Variants in ADD3 observed in about 807,000 individuals in gnomAD.
The protein encoded by ADD3 is adducin 3, also known as gamma-adducin.
A neutral mutation model predicts 80.2 loss-of-function variants in ADD3; 25 were observed. That is an observed-to-expected ratio of 0.31 (90% CI 0.23 to 0.44). ADD3 has a LOEUF of 0.44. Ranked by LOEUF, ADD3 falls within the 20% of genes least tolerant of loss-of-function variation. ADD3 has a pLI of 1.00. For missense variants in ADD3, 829 were observed against 847.5 expected, an observed-to-expected ratio of 0.98 and a Z score of 0.27; for synonymous variants, 284 against 289.6, an observed-to-expected ratio of 0.98 and a Z score of 0.20.
At chr10:110,044,695 A>AGAG (rs1199467912) in intron 1 of ADD3, among the ~76,000 whole-genome samples, 1 of 152,242 alleles carries the variant, frequency 6.6e-6, no homozygotes, top group African/African-American at 2.4e-5. Flanking sequence ...AGGTGTCAAA[A>AGAG]GAGGAGGTAG....
chr10:109,996,397 G>A (rs964234963), exon 1 of ADD3: 3 of 152,192 alleles, frequency 2.0e-5, no homozygotes, highest in Non-Finnish European at 4.4e-5. Flanking sequence ...TTGTGAATGA[G>A]ACTGTGAGAA....
chr10:110,097,110 G>A (rs186019963), intron 1 of ADD3, among the ~76,000 whole-genome samples: 227 of 152,304 alleles, frequency 1.5e-3, no homozygotes, highest in Middle Eastern at 3.4e-3. Flanking sequence ...TACTGTTTAA[G>A]TATATTAACA....
Position 110,122,306 on chromosome 10 carries a change from T to C in ADD3, c.1143+14T>C, listed in dbSNP as rs367579920. 13 of 1,609,574 alleles carry C rather than the reference T, an allele frequency of 8.1e-6. No individual in the cohort carries two copies. In the African/African-American group the frequency reaches 1.5e-4, roughly 18 times the overall value. On this transcript the variant is annotated intron_variant, in intron 9 of 14. Transcript: ENST00000356080. ...CTGGACAACTTGGTAGGTTGCAAAA[T>C]TGAAGTAAAACTTGGATTTAATGTC... is the stretch of plus-strand genomic sequence containing the variant.
chr10:110,125,674 A>G (rs1564664580), intron 10 of ADD3, 152 bp from the exon 11 acceptor site: 3 of 442,682 alleles, frequency 6.8e-6, no homozygotes, highest in Admixed American at 4.1e-5. Context: ...TCTAACTAGT[A>G]TGAGATGAAA....
upstream of ADD3, among the ~76,000 whole-genome samples, chr10:110,001,274 G>T (rs552349050): frequency 3.4e-4 from 51 of 152,140 alleles, no homozygotes; most frequent in African/African-American, 1.2e-3. Flanking sequence ...AATTAGTCAG[G>T]CATAGTGGTG....
intron 10 of ADD3, among the ~76,000 whole-genome samples, chr10:110,124,967 GT>G (rs1400313902): frequency 1.3e-5 from 2 of 152,170 alleles, no homozygotes; most frequent in Non-Finnish European, 2.9e-5. Flanking sequence ...TAGTGTTGGT[GT>G]ATTTTATATG....
rs542913255 is a variant in ADD3 at position 110,050,313 on chromosome 10, T to A, written c.-30+42014T>A. ...AGGGACCCAGTGGGAGATATTTGAA[T>A]CATGGGGGCAGTTTCCTCCATACTA... On this transcript the variant is annotated intron_variant, in intron 1 of 14. Coordinates refer to ENST00000356080, the MANE Select transcript of ADD3 (RefSeq NM_016824.5). 7.9e-4 allele frequency among the ~76,000 whole-genome samples: 120 copies of A among 152,196 alleles called. 1 individual carries two copies. The highest frequency in any genetic ancestry group is 2.8e-3 in the African/African-American group (116 of 41,546).
At chr10:110,049,322 A>T (rs1184852221) in intron 1 of ADD3, among the ~76,000 whole-genome samples, 2 of 152,208 alleles carry the variant, frequency 1.3e-5, no homozygotes. Context: ...TGAAGCCCCC[A>T]CATACAGTTC....
At chr10:110,108,279 C>G (rs1481271783) in intron 2 of ADD3, among the ~76,000 whole-genome samples, 2 of 152,110 alleles carry the variant, frequency 1.3e-5, no homozygotes. Flanking sequence ...ATGCTCTAAT[C>G]TAGCCTAAGA....
chr10:110,067,328 C>T (rs1166730778), intron 1 of ADD3, among the ~76,000 whole-genome samples: 1 of 152,106 alleles, frequency 6.6e-6, no homozygotes, highest in Non-Finnish European at 1.5e-5. Context: ...TTGAAAAATA[C>T]AATAAATGTA....
At chr10:110,065,539 C>CTTTTTTTTTTGTTTTTTTTTTTTTTT (rs1843813067) in intron 1 of ADD3, among the ~76,000 whole-genome samples, 1 of 31,172 alleles carries the variant, frequency 3.2e-5, no homozygotes, top group Non-Finnish European at 7.5e-5. Context: ...TCTCTCTCCC[C>CTTTTTTTTTTGTTTTTTTTTTTTTTT]TTTTTTTTTT....
chr10:110,106,426 T>A (rs1303978756), intron 2 of ADD3, among the ~76,000 whole-genome samples: 2 of 152,074 alleles, frequency 1.3e-5, no homozygotes, highest in Non-Finnish European at 2.9e-5. Context: ...CTGAAAGTTC[T>A]GACCTTGGAT....
intron 1 of ADD3, among the ~76,000 whole-genome samples, chr10:110,011,658 C>G (rs1852346984): frequency 6.6e-6 from 1 of 152,182 alleles, no homozygotes; most frequent in South Asian, 2.1e-4. Flanking sequence ...CTTTAAATAT[C>G]TAATCGAGTG....
intron 1 of ADD3, chr10:110,076,885 A>C (rs1015886750): frequency 6.6e-6 from 1 of 152,192 alleles, no homozygotes; most frequent in African/African-American, 2.4e-5. Flanking sequence ...GGACTAATGA[A>C]TTAATTGTGA....
chr10:110,122,051 A>C, intron 8 of ADD3, 59 bp from the exon 9 acceptor site: 1 of 1,446,042 alleles, frequency 6.9e-7, no homozygotes, highest in Non-Finnish European at 9.3e-7. Flanking sequence ...TTTGAAAGTA[A>C]AATACTCATT....
At chr10:110,002,412 C>T (rs1312184503), upstream of ADD3, among the ~76,000 whole-genome samples, 1 of 151,930 alleles carries the variant, frequency 6.6e-6, no homozygotes, top group Non-Finnish European at 1.5e-5. Context: ...TAGCTGGGAA[C>T]ACAGGCTCCC....
intron 12 of ADD3, among the ~76,000 whole-genome samples, chr10:110,127,356 C>G (rs1404898545): frequency 6.6e-6 from 1 of 152,188 alleles, no homozygotes; most frequent in Admixed American, 6.5e-5. Flanking sequence ...CAGTGGCTCA[C>G]GCCTGTAATC....
intron 2 of ADD3, among the ~76,000 whole-genome samples, chr10:110,111,605 C>G (rs933566044): frequency 1.3e-5 from 2 of 152,142 alleles, no homozygotes; most frequent in Non-Finnish European, 2.9e-5. Context: ...ACATATGGAA[C>G]CCAACGTTCC....
At chr10:110,081,811 A>G (rs1846090250) in intron 1 of ADD3, among the ~76,000 whole-genome samples, 1 of 152,190 alleles carries the variant, frequency 6.6e-6, no homozygotes, top group South Asian at 2.1e-4. Flanking sequence ...AAATTACCCC[A>G]TCCATTGTGG....
Sources: allele counts gnomAD v4.1 joint callset (sites outside exome capture counted in the v4.1 genomes callset), GRCh38; gene constraint gnomAD v4.1.1; transcripts MANE v1.5; gene names NCBI Gene and HGNC (gene_info 2026-07-23, HGNC 2026-07-21).